The following WDR64 variants were observed in gnomAD, a reference collection of about 807,000 sequenced individuals.
WDR64 encodes WD repeat-containing protein 64.
Under a neutral mutation model 139.3 loss-of-function variants are expected in WDR64, and 112 were observed. The ratio of observed to expected loss-of-function variants is 0.80; its 90% CI spans 0.69 to 0.94. The LOEUF (loss-of-function observed/expected upper bound fraction) is 0.94, where lower values mean the gene tolerates loss of function less well. WDR64 is among the 40% of genes least tolerant of loss of function. The pLI is 0.00. For missense variants in WDR64, 1,206 were observed against 1,293.1 expected (o/e 0.93, Z 1.03); for synonymous variants, 444 against 437.7 (o/e 1.01, Z -0.18).
At chr1:241,722,993 AAAT>A (rs1668664176) in intron 9 of WDR64, among the ~76,000 whole-genome samples, 1 of 152,212 alleles carries the variant, frequency 6.6e-6, no homozygotes, top group Non-Finnish European at 1.5e-5. Flanking sequence ...AATAAAGTAT[AAAT>A]AATACATTAA....
At position 241,780,022 on chromosome 1, in the gene WDR64, G is replaced by A. The variant is rs566685686; in HGVS notation, c.2555G>A (p.Cys852Tyr). The change falls in exon 22 of 28, where the codon TGC becomes TAC. Residue 852 changes from cysteine (C) to tyrosine (Y), a missense_variant. Coordinates refer to ENST00000437684, the MANE Select transcript of WDR64 (RefSeq NM_001367482.1). ...AGNVEGHVIL[C>Y]NISSFLDPPH... ...TATACAGAAGGACATGTTATCCTTT[G>A]CAATATTAGCTCTTTCCTGGATCCA... 2 of 1,587,550 alleles carry A rather than the reference G, an allele frequency of 1.3e-6. No individual in the cohort carries two copies. The highest frequency in any genetic ancestry group is 2.7e-5 in the African/African-American group (2 of 72,812).
At chr1:241,771,625 C>A (rs1004356087) in intron 18 of WDR64, 36 bp from the exon 19 acceptor site, 2 of 1,452,034 alleles carry the variant, frequency 1.4e-6, no homozygotes, top group South Asian at 3.0e-5. Context: ...CTTACAATGT[C>A]ATGGAAGTCT....
chr1:241,800,712 G>A (rs1659498293), intron 27 of WDR64, among the ~76,000 whole-genome samples: 1 of 152,006 alleles, frequency 6.6e-6, no homozygotes, highest in Non-Finnish European at 1.5e-5. Flanking sequence ...ATAATCACTT[G>A]ATTTTATTTT....
At chr1:241,749,865 C>G in intron 14 of WDR64, 143 bp downstream of exon 14, 1 of 966,564 alleles carries the variant, frequency 1.0e-6, no homozygotes, top group Non-Finnish European at 1.5e-6. Flanking sequence ...CGTGATGCTC[C>G]TCATTAACTT....
chr1:241,785,037 A>G (rs1233323579), intron 23 of WDR64, among the ~76,000 whole-genome samples: 1 of 151,468 alleles, frequency 6.6e-6, no homozygotes, highest in Non-Finnish European at 1.5e-5. Flanking sequence ...TCATTATTAT[A>G]GATGTTTTTA....
At chr1:241,750,607 T>A (rs187559194) in intron 14 of WDR64, among the ~76,000 whole-genome samples, 15 of 152,234 alleles carry the variant, frequency 9.9e-5, no homozygotes, top group African/African-American at 3.6e-4. Context: ...ATGCCCTTCC[T>A]ACCAGACAAT....
chr1:241,748,593 A>G (rs1345113578), intron 13 of WDR64, among the ~76,000 whole-genome samples: 1 of 152,086 alleles, frequency 6.6e-6, no homozygotes, highest in Non-Finnish European at 1.5e-5. Context: ...TGATCTCCAA[A>G]CACCATCACG....
At chr1:241,664,867 A>T (rs1379911856) in intron 2 of WDR64, among the ~76,000 whole-genome samples, 1 of 152,098 alleles carries the variant, frequency 6.6e-6, no homozygotes, top group Non-Finnish European at 1.5e-5. Context: ...CTTGGGACTG[A>T]GATTTTTCTC....
At position 241,784,955 on chromosome 1, in the gene WDR64, A is replaced by G. The variant is rs868815720; in HGVS notation, c.2705+1574A>G. ...GGCGACAGAGTGAGACTCTGTCTGA[A>G]AAAAAAAAAAAAAAAAAAAAAGAAA... On this transcript the variant is annotated intron_variant, in intron 23 of 27. Coordinates refer to ENST00000437684, the MANE Select transcript of WDR64 (RefSeq NM_001367482.1). Among the ~76,000 whole-genome samples the G allele has an allele frequency of 1.3e-3, 78 of 59,492 alleles. 5 individuals are homozygous for G. The highest frequency in any genetic ancestry group is 4.8e-3 in the African/African-American group (56 of 11,776). 39.0% of individuals were successfully genotyped at this position (59,492 alleles called of 152,430 possible).
chr1:241,702,163 G>C (rs759376256), intron 8 of WDR64, among the ~76,000 whole-genome samples: 2 of 152,190 alleles, frequency 1.3e-5, no homozygotes, highest in Non-Finnish European at 2.9e-5. Context: ...TAGCTTGACA[G>C]TTTCCAAGAG....
intron 21 of WDR64, among the ~76,000 whole-genome samples, chr1:241,778,396 T>G (rs1271258033): frequency 6.6e-6 from 1 of 152,190 alleles, no homozygotes; most frequent in Non-Finnish European, 1.5e-5. Context: ...TATCTATATT[T>G]AAAGTAGGTT....
intron 10 of WDR64, among the ~76,000 whole-genome samples, chr1:241,736,551 G>C (rs558704894): frequency 3.9e-5 from 6 of 152,036 alleles, no homozygotes; most frequent in African/African-American, 7.2e-5. Flanking sequence ...AAAACACTTC[G>C]GTATGACAGT....
intron 19 of WDR64, among the ~76,000 whole-genome samples, chr1:241,772,254 T>C (rs1658483142): frequency 2.0e-5 from 3 of 148,208 alleles, no homozygotes; most frequent in African/African-American, 7.3e-5. Flanking sequence ...ATAAACGTTT[T>C]ATATTTTTTC....
chr1:241,778,757 T>C (rs1174335566), intron 21 of WDR64, among the ~76,000 whole-genome samples: 1 of 152,148 alleles, frequency 6.6e-6, no homozygotes, highest in Non-Finnish European at 1.5e-5. Flanking sequence ...TCAAGTAATA[T>C]TATGCCACTT....
intron 4 of WDR64, among the ~76,000 whole-genome samples, chr1:241,676,745 G>GTTTTTTTTTTTTT (rs11342790): frequency 7.6e-4 from 94 of 124,332 alleles, no homozygotes; most frequent in African/African-American, 2.8e-3. Flanking sequence ...AAAATTAATG[G>GTTTTTTTTTTTTT]TTTTTTTTTT....
intron 13 of WDR64, among the ~76,000 whole-genome samples, chr1:241,748,656 T>C (rs1404519839): frequency 6.6e-6 from 1 of 152,116 alleles, no homozygotes; most frequent in East Asian, 1.9e-4. Flanking sequence ...AGAAAAACAC[T>C]TGGCCGGGCA....
intron 8 of WDR64, among the ~76,000 whole-genome samples, chr1:241,704,941 T>C (rs1473901671): frequency 6.6e-6 from 1 of 152,062 alleles, no homozygotes; most frequent in African/African-American, 2.4e-5. Context: ...TCAAAAATAA[T>C]TGAAAAGAGG....
rs748295915 is a variant in WDR64 at position 241,757,364 on chromosome 1, G to A, written c.1852G>A (p.Val618Met). Residue 618 changes from valine to methionine, a missense_variant, in exon 15 of 28, where the codon GTG (valine) becomes ATG (methionine). Transcript: ENST00000437684. ...TTTCCTACAAGATGGGAAACATGCT[G>A]TGCATCTGAGAATGTCTACTAGAGA... ...VPFLQDGKHAVHLRMSTRDRN... is the reference protein window; with the variant it reads ...VPFLQDGKHAMHLRMSTRDRN... 2 of 1,613,984 alleles carry A rather than the reference G, an allele frequency of 1.2e-6. No individual in the cohort carries two copies. Among genetic ancestry groups the A allele is most frequent in the African/African-American group, 2.7e-5 (2 of 74,936 alleles).
At chr1:241,730,152 C>T (rs1574049250) in intron 10 of WDR64, among the ~76,000 whole-genome samples, 2 of 152,334 alleles carry the variant, frequency 1.3e-5, no homozygotes, top group Non-Finnish European at 2.9e-5. Context: ...GAATTCAGTT[C>T]TCAACTTGCA....
Sources: allele counts gnomAD v4.1 joint callset (sites outside exome capture counted in the v4.1 genomes callset), GRCh38; gene constraint gnomAD v4.1.1; transcripts MANE v1.5; gene names NCBI Gene and HGNC (gene_info 2026-07-23, HGNC 2026-07-21).